Variants in CEP85 observed in about 807,000 individuals in gnomAD.
CEP85 encodes the protein centrosomal protein 85.
A neutral mutation model predicts 93.7 loss-of-function variants in CEP85; 58 were observed. The observed-to-expected ratio is 0.62, with a 90% CI of 0.50 to 0.77. The LOEUF (loss-of-function observed/expected upper bound fraction) is 0.77, where lower values mean the gene tolerates loss of function less well. Among genes scored for constraint, CEP85 ranks in the 30% least tolerant of loss-of-function variants. The probability of loss-of-function intolerance (pLI) is 0.00; values close to 1 mark genes in which losing one functional copy is unlikely to be tolerated. For synonymous variants in CEP85, 314 were observed against 338.6 expected (o/e 0.93, Z 0.80); for missense variants, 868 against 922.0 (o/e 0.94, Z 0.76).
intron 7 of CEP85, chr1:26,262,891 C>T (rs1274951872): frequency 6.6e-6 from 1 of 152,210 alleles, no homozygotes; most frequent in Non-Finnish European, 1.5e-5. Context: ...CACATGCCAC[C>T]ACACTGGGCT....
intron 7 of CEP85, among the ~76,000 whole-genome samples, chr1:26,267,419 C>G (rs1483857759): frequency 6.6e-6 from 1 of 152,110 alleles, no homozygotes; most frequent in Admixed American, 6.5e-5. Flanking sequence ...GAAAAATTAG[C>G]TGGGCATGGT....
chr1:26,255,771 G>A lies in CEP85; in HGVS notation c.809G>A (p.Ser270Asn). ...CTGCCCTCTCAGGTGTGGCAGCCGA[G>A]TCCTGACACTTGGCATCCCCGAGAG... is the stretch of plus-strand genomic sequence containing the variant. ...KPLPSQVWQP[S>N]PDTWHPREQS... Residue 270 changes from serine to asparagine, a missense_variant, in exon 4 of 14, where the codon AGT (serine) becomes AAT (asparagine). Ser to Asn is a conservative substitution (Grantham distance 46). Coordinates refer to ENST00000451429, the MANE Select transcript of CEP85 (RefSeq NM_001319944.2). 1 of 1,614,170 alleles carries A rather than the reference G, an allele frequency of 6.2e-7. No homozygotes were observed.
At chr1:26,249,085 T>G (rs1296526968) in intron 3 of CEP85, among the ~76,000 whole-genome samples, 4 of 151,768 alleles carry the variant, frequency 2.6e-5, no homozygotes, top group African/African-American at 7.3e-5. Flanking sequence ...TTAACTCTTT[T>G]TGTGTGTTTG....
chr1:26,259,592 T>TA (rs1346256930), intron 6 of CEP85, 25 bp from the exon 7 acceptor site: 61 of 1,591,048 alleles, frequency 3.8e-5, no homozygotes, highest in Non-Finnish European at 5.2e-5. Context: ...AGAGAACAGT[T>TA]ACATATTGAG....
intron 3 of CEP85, among the ~76,000 whole-genome samples, chr1:26,251,251 GTT>G (rs34370061): frequency 8.8e-6 from 1 of 113,658 alleles, no homozygotes. Context: ...CCCAAGCTTG[GTT>G]TTTTTTTTTT....
intron 3 of CEP85, chr1:26,254,884 T>C: frequency 2.6e-6 from 1 of 387,902 alleles, no homozygotes; most frequent in Middle Eastern, 7.0e-4. Flanking sequence ...TTTAAAAGTT[T>C]TTCAGCTTTG....
intron 11 of CEP85, among the ~76,000 whole-genome samples, chr1:26,272,720 C>T (rs529256377): frequency 6.7e-6 from 1 of 150,244 alleles, no homozygotes; most frequent in African/African-American, 2.5e-5. Flanking sequence ...CCTCTGCCTC[C>T]CAGGTTCAAG....
intron 1 of CEP85, among the ~76,000 whole-genome samples, chr1:26,238,811 C>T (rs2089371962): frequency 6.6e-6 from 1 of 152,136 alleles, no homozygotes; most frequent in Non-Finnish European, 1.5e-5. Flanking sequence ...GACTTCAAAT[C>T]CACTTCTGCT....
chr1:26,271,184 G>A lies in CEP85; in HGVS notation c.1743+77G>A, dbSNP rs2089969672. Reference sequence around the variant, plus strand: ...AGATTGTGTATTAGGAGGGATACGTGAATTCTTGGCTTTGGGCTATCTAGG... The same window carrying A: ...AGATTGTGTATTAGGAGGGATACGTAAATTCTTGGCTTTGGGCTATCTAGG... On this transcript the variant is annotated intron_variant, in intron 10 of 13. Transcript: ENST00000451429. 4.6e-6 allele frequency: 4 copies of A among 862,530 alleles called. No homozygotes were observed. In the African/African-American group the frequency reaches 5.0e-5, roughly 11 times the overall value. The allele number at this position is 862,530 out of a possible 1,614,324, so 53.4% of individuals were successfully genotyped here. A position where few individuals can be genotyped will look rare whatever the true frequency, so the allele number is the denominator to read the frequency against.
At chr1:26,238,999 T>C (rs2089377719) in intron 1 of CEP85, among the ~76,000 whole-genome samples, 1 of 152,248 alleles carries the variant, frequency 6.6e-6, no homozygotes, top group Admixed American at 6.5e-5. Flanking sequence ...TTGAGGAATT[T>C]GTTTTGTGTT....
Position 26,268,599 on chromosome 1 carries a change from G to A in CEP85, c.1458G>A (p.Leu486=), listed in dbSNP as rs1310831678. Residue 486 remains leucine (L), a synonymous_variant, in exon 8 of 14, where the codon CTG becomes CTA. Transcript: ENST00000451429. ...IETLERYLAD[L]PTLEDHQKQS... is the part of the protein sequence containing the mutation. ...CCTTGGAGCGCTACCTGGCTGACCT[G>A]CCCACACTGGAAGACCATCAGAAGC... 1 of 1,613,432 alleles carries A rather than the reference G, an allele frequency of 6.2e-7. No homozygotes were observed.
intron 7 of CEP85, among the ~76,000 whole-genome samples, chr1:26,266,993 C>T (rs1394812761): frequency 6.6e-6 from 1 of 152,138 alleles, no homozygotes; most frequent in Non-Finnish European, 1.5e-5. Flanking sequence ...GGTTATATGT[C>T]TTATCAGAAA....
In CEP85 at chr1:26,255,620, A is replaced by T; in HGVS notation, c.658A>T (p.Arg220Ter). 1.2e-6 allele frequency: 2 copies of T among 1,614,092 alleles called. No individual in the cohort carries two copies. Among genetic ancestry groups the T allele is most frequent in the Non-Finnish European group, 1.7e-6 (2 of 1,180,008 alleles). ...PRTSTSKELYRVLPEAKKAPG... is the reference protein window; with the variant it reads ...PRTSTSKELY ...AACCAGCACAAGTAAGGAGTTGTAC[A>T]GAGTGTTGCCTGAGGCCAAGAAGGC... Residue 220 changes from arginine to a stop codon, truncating the protein, a stop_gained, in exon 4 of 14, where the codon AGA becomes TGA. Coordinates refer to ENST00000451429, the MANE Select transcript of CEP85 (RefSeq NM_001319944.2). LOFTEE classifies it high-confidence loss of function.
chr1:26,268,616 A>G lies in CEP85; in HGVS notation c.1475A>G (p.His492Arg), dbSNP rs1359316633. The change falls in exon 8 of 14, where the codon CAT (histidine) becomes CGT (arginine). Residue 492 changes from histidine (H) to arginine (R), a missense_variant. His to Arg is a conservative substitution (Grantham distance 29, BLOSUM62 0). Coordinates refer to ENST00000451429, the MANE Select transcript of CEP85 (RefSeq NM_001319944.2). Reference protein sequence around the residue: ...YLADLPTLEDHQKQSQQLKDS... With the variant: ...YLADLPTLEDRQKQSQQLKDS... ...GCTGACCTGCCCACACTGGAAGACC[A>G]TCAGAAGCAGAGCCAGCAGGTAGCA... is the stretch of plus-strand genomic sequence containing the variant. The G allele has an allele frequency of 1.9e-6, 3 of 1,611,082 alleles. No individual in the cohort carries two copies. The highest frequency in any genetic ancestry group is 1.7e-6 in the Non-Finnish European group (2 of 1,178,760).
chr1:26,276,708 C>T lies in CEP85; in HGVS notation c.2076C>T (p.Thr692=). ...TGCAGGCTGTCTGTAGCATTGTGAC[C>T]CAGAGGGCCCAGGGCCATGACCCCA... ...QDLQAVCSIV[T]QRAQGHDPNL... The change falls in exon 13 of 14, where the codon ACC becomes ACT. Residue 692 remains threonine (T), a synonymous_variant. Coordinates refer to ENST00000451429, the MANE Select transcript of CEP85 (RefSeq NM_001319944.2). The T allele has an allele frequency of 6.2e-7, 1 of 1,614,118 alleles. No homozygotes were observed. Among genetic ancestry groups the T allele is most frequent in the African/African-American group, 1.3e-5 (1 of 75,032 alleles).
intron 7 of CEP85, chr1:26,263,238 T>C: frequency 3.1e-6 from 1 of 317,898 alleles, no homozygotes; most frequent in Non-Finnish European, 6.1e-6. Flanking sequence ...TGCTGTGCTG[T>C]TGACGAAGAT....
chr1:26,261,289 A>G (rs1159998335), intron 7 of CEP85, among the ~76,000 whole-genome samples: 1 of 151,894 alleles, frequency 6.6e-6, no homozygotes, highest in African/African-American at 2.4e-5. Context: ...CCTGACCAAC[A>G]TGGAGAAACC....
chr1:26,266,134 G>A (rs1349379298), intron 7 of CEP85, among the ~76,000 whole-genome samples: 8 of 151,872 alleles, frequency 5.3e-5, no homozygotes, highest in African/African-American at 1.2e-4. Flanking sequence ...GCTTGAACCC[G>A]GGAGGTGGAG....
chr1:26,272,620 T>A (rs998475849), intron 11 of CEP85, among the ~76,000 whole-genome samples: 1 of 129,802 alleles, frequency 7.7e-6, no homozygotes, highest in Non-Finnish European at 1.6e-5. Flanking sequence ...TTACAGCATT[T>A]TTTTTTTTTT....
Sources: allele counts gnomAD v4.1 joint callset (sites outside exome capture counted in the v4.1 genomes callset), GRCh38; gene constraint gnomAD v4.1.1; transcripts MANE v1.5; gene names NCBI Gene and HGNC (gene_info 2026-07-23, HGNC 2026-07-21).